Variants in FHIT observed in about 807,000 individuals in gnomAD.
The protein encoded by FHIT is fragile histidine triad diadenosine triphosphatase, also known as bis(5'-adenosyl)-triphosphatase.
A neutral mutation model predicts 17.9 loss-of-function variants in FHIT; 19 were observed. That is an observed-to-expected ratio of 1.06 (90% CI 0.74 to 1.56). The LOEUF is 1.56. FHIT is among the 40% of genes most tolerant of loss of function. FHIT has a pLI of 0.00. For missense variants in FHIT, 248 were observed against 189.2 expected, an observed-to-expected ratio of 1.31 and a Z score of -1.82; for synonymous variants, 81 against 69.7, an observed-to-expected ratio of 1.16 and a Z score of -0.81.
At position 60,009,225 on chromosome 3, in the gene FHIT, GTGTGTA is replaced by G. The variant is rs1332136028; in HGVS notation, c.279+2140_279+2145del. Reference sequence around the variant, plus strand: ...TGTGTGTGTGTGTGTGTGTGTGTGTGTGTGTATGGTGGTTTTCTTATAACCACCATA... The same window carrying G: ...TGTGTGTGTGTGTGTGTGTGTGTGTGTGGTGGTTTTCTTATAACCACCATA... On this transcript the variant is annotated intron_variant, in intron 7 of 9. Coordinates refer to ENST00000492590, the MANE Select transcript of FHIT (RefSeq NM_002012.4). 4.4e-4 allele frequency among the ~76,000 whole-genome samples: 58 copies of G among 130,508 alleles called. 1 individual carries two copies. Among genetic ancestry groups the G allele is most frequent in the African/African-American group, 4.0e-4 (12 of 29,950 alleles). 85.6% of individuals were successfully genotyped at this position (130,508 alleles called of 152,430 possible).
intron 3 of FHIT, among the ~76,000 whole-genome samples, chr3:60,934,912 A>G (rs1708123636): frequency 6.6e-6 from 1 of 152,208 alleles, no homozygotes; most frequent in Non-Finnish European, 1.5e-5. Flanking sequence ...TGTTCATAAC[A>G]CTGCACCCCG....
At chr3:60,964,908 C>G (rs1553782654) in intron 3 of FHIT, among the ~76,000 whole-genome samples, 1 of 152,076 alleles carries the variant, frequency 6.6e-6, no homozygotes, top group Non-Finnish European at 1.5e-5. Flanking sequence ...AATTATGTGT[C>G]TTGGAGTTGC....
At chr3:61,050,567 G>T (rs2106647399) in intron 2 of FHIT, among the ~76,000 whole-genome samples, 1 of 152,264 alleles carries the variant, frequency 6.6e-6, no homozygotes. Flanking sequence ...ATCAGTTAGA[G>T]ATATCTACTG....
At chr3:59,932,697 CAG>C (rs971362313) in intron 7 of FHIT, among the ~76,000 whole-genome samples, 1 of 151,818 alleles carries the variant, frequency 6.6e-6, no homozygotes, top group African/African-American at 2.4e-5. Context: ...CTGCAATAAA[CAG>C]AACAAAATGA....
At chr3:60,573,025 C>G (rs1460844696) in intron 4 of FHIT, among the ~76,000 whole-genome samples, 1 of 152,078 alleles carries the variant, frequency 6.6e-6, no homozygotes, top group Non-Finnish European at 1.5e-5. Context: ...ACAAAATATC[C>G]CAAGTTACAA....
intron 3 of FHIT, among the ~76,000 whole-genome samples, chr3:60,929,948 C>T (rs1271447967): frequency 2.0e-4 from 30 of 152,178 alleles, no homozygotes; most frequent in Non-Finnish European, 4.1e-4. Flanking sequence ...CATCATGCTA[C>T]CTGACTTCAA....
chr3:59,876,846 G>T (rs927731874), intron 8 of FHIT, among the ~76,000 whole-genome samples: 2 of 152,174 alleles, frequency 1.3e-5, no homozygotes, highest in Non-Finnish European at 2.9e-5. Context: ...TTCTTGGGAA[G>T]CTAATCTTAC....
At chr3:60,574,166 G>A (rs2037485066) in intron 4 of FHIT, among the ~76,000 whole-genome samples, 1 of 152,098 alleles carries the variant, frequency 6.6e-6, no homozygotes, top group Non-Finnish European at 1.5e-5. Flanking sequence ...AATGATCCCA[G>A]CAGCTATGGG....
intron 2 of FHIT, among the ~76,000 whole-genome samples, chr3:61,137,240 A>G (rs1336096418): frequency 6.7e-6 from 1 of 148,504 alleles, no homozygotes; most frequent in Non-Finnish European, 1.5e-5. Flanking sequence ...TGCCTTTTCT[A>G]AAACGTATCA....
At chr3:60,302,064 T>A (rs954076801) in intron 5 of FHIT, among the ~76,000 whole-genome samples, 1 of 152,190 alleles carries the variant, frequency 6.6e-6, no homozygotes, top group African/African-American at 2.4e-5. Context: ...TCTACTTTAA[T>A]TGCTTTTTAA....
At chr3:60,154,830 G>C (rs1324485010) in intron 5 of FHIT, among the ~76,000 whole-genome samples, 2 of 152,102 alleles carry the variant, frequency 1.3e-5, no homozygotes, top group African/African-American at 4.8e-5. Flanking sequence ...TTCAATAGCA[G>C]AAAGAAAAGC....
At chr3:59,912,187 C>G (rs193212635) in intron 8 of FHIT, among the ~76,000 whole-genome samples, 1 of 152,290 alleles carries the variant, frequency 6.6e-6, no homozygotes, top group Admixed American at 6.5e-5. Context: ...CACAGTCTCC[C>G]TCCACATTTG....
chr3:60,880,049 C>T (rs573240738), intron 3 of FHIT, among the ~76,000 whole-genome samples: 2 of 151,992 alleles, frequency 1.3e-5, no homozygotes, highest in East Asian at 1.9e-4. Context: ...CAAAGGTTCC[C>T]GAATAGATTC....
At chr3:60,008,429 G>A (rs561908821) in intron 7 of FHIT, among the ~76,000 whole-genome samples, 1 of 152,240 alleles carries the variant, frequency 6.6e-6, no homozygotes, top group South Asian at 2.1e-4. Context: ...TACTGAGTAA[G>A]CAAGGCCACG....
chr3:60,462,464 C>T (rs558954623), intron 5 of FHIT, among the ~76,000 whole-genome samples: 3 of 152,188 alleles, frequency 2.0e-5, no homozygotes, highest in African/African-American at 4.8e-5. Flanking sequence ...GGCAAGTCCT[C>T]GACAGAAAGG....
intron 7 of FHIT, among the ~76,000 whole-genome samples, chr3:59,928,720 G>T (rs1006514404): frequency 6.6e-6 from 1 of 152,170 alleles, no homozygotes; most frequent in Non-Finnish European, 1.5e-5. Flanking sequence ...AGATAGGCCG[G>T]GTGCGGCGGC....
chr3:61,030,371 T>C (rs2032952570), intron 3 of FHIT, among the ~76,000 whole-genome samples: 2 of 152,252 alleles, frequency 1.3e-5, no homozygotes, highest in African/African-American at 4.8e-5. Flanking sequence ...GTTTGCGAGA[T>C]CTGCAGTGTC....
chr3:60,114,480 A>G (rs734291), intron 5 of FHIT, among the ~76,000 whole-genome samples: 89,042 of 126,502 alleles, frequency 0.7, 32,071 homozygotes, highest in South Asian at 0.79. Context: ...AGGAAGAACA[A>G]GAGAAATCCT....
chr3:60,879,673 A>C (rs1175596508), intron 3 of FHIT, among the ~76,000 whole-genome samples: 1 of 152,110 alleles, frequency 6.6e-6, no homozygotes, highest in Non-Finnish European at 1.5e-5. Flanking sequence ...CAACAAAATC[A>C]GAAAAAGAAT....
Sources: gnomAD v4.1 joint callset for allele counts (sites outside exome capture counted in the v4.1 genomes callset) on GRCh38, gnomAD v4.1.1 for gene constraint, MANE v1.5 for transcripts, NCBI Gene and HGNC (gene_info 2026-07-23, HGNC 2026-07-21) for gene names.